Variants in GNB4 observed in about 807,000 individuals in gnomAD.
The protein encoded by GNB4 is guanine nucleotide-binding protein subunit beta-4.
In GNB4, 28 loss-of-function variants were observed where a neutral mutation model predicts 45.2. That is an observed-to-expected ratio of 0.62 (90% CI 0.46 to 0.85). The LOEUF is 0.85. Ranked by LOEUF, GNB4 falls within the 40% of genes least tolerant of loss-of-function variation. GNB4 has a pLI of 0.00. For synonymous variants in GNB4, 132 were observed against 143.7 expected (o/e 0.92, Z 0.58); for missense variants, 321 against 425.4 (o/e 0.75, Z 2.16).
chr3:179,396,118 A>G lies in GNB4; in HGVS notation c.*5095T>C, dbSNP rs1050652680. ...TTAAAAGCACTTTATTGATTACAGT[A>G]TCAATTCACAACATTTCATAAAGCC... On this transcript the variant is annotated 3_prime_UTR_variant, in exon 10 of 10. Transcript: ENST00000232564. 3 of 152,220 alleles carry G rather than the reference A, an allele frequency of 2.0e-5. No homozygotes were observed. The highest frequency in any genetic ancestry group is 6.6e-5 in the Admixed American group (1 of 15,264). 9.4% of individuals were successfully genotyped at this position (152,220 alleles called of 1,614,324 possible).
rs1377988109 is a variant in GNB4 at position 179,429,519 on chromosome 3, G to A, written c.-42-3277C>T. Among the ~76,000 whole-genome samples, 3 of 152,132 alleles carry A rather than the reference G, an allele frequency of 2.0e-5. No individual in the cohort carries two copies. In the East Asian group the frequency reaches 5.8e-4, roughly 29 times the overall value. ...TAGGGTTCAGAAGAAAAAAGATGAG[G>A]GGTCCAATGTGGAAAATAGTGAGTT... is the stretch of plus-strand genomic sequence containing the variant. On this transcript the variant is annotated intron_variant, in intron 1 of 9. Transcript: ENST00000232564.
intron 2 of GNB4, among the ~76,000 whole-genome samples, chr3:179,421,197 T>C (rs905627268): frequency 6.6e-6 from 1 of 152,132 alleles, no homozygotes. Context: ...AGAAACCCCA[T>C]ATCTCCTAAT....
the GNB4 span, among the ~76,000 whole-genome samples, chr3:179,484,233 A>G: frequency 6.6e-6 from 1 of 152,220 alleles, no homozygotes; most frequent in Non-Finnish European, 1.5e-5. Flanking sequence ...ATAGGCAAAC[A>G]AATTGATTTC....
intron 1 of GNB4, among the ~76,000 whole-genome samples, chr3:179,449,179 G>A (rs1181867160): frequency 6.6e-6 from 1 of 152,168 alleles, no homozygotes; most frequent in Non-Finnish European, 1.5e-5. Flanking sequence ...TTCCAAATTA[G>A]TTATAACTCT....
upstream of GNB4, among the ~76,000 whole-genome samples, chr3:179,453,863 AACTT>A (rs1386071948): frequency 2.0e-5 from 3 of 152,058 alleles, no homozygotes; most frequent in Non-Finnish European, 4.4e-5. Flanking sequence ...AAAAAAAAAA[AACTT>A]ACTTGTTAAA....
At chr3:179,481,892 T>A in the GNB4 span, among the ~76,000 whole-genome samples, 1 of 152,144 alleles carries the variant, frequency 6.6e-6, no homozygotes, top group Non-Finnish European at 1.5e-5. Context: ...TTATTTTATT[T>A]ATTTATATTT....
chr3:179,524,910 G>A, the GNB4 span, among the ~76,000 whole-genome samples: 1 of 152,194 alleles, frequency 6.6e-6, no homozygotes, highest in African/African-American at 2.4e-5. Context: ...GACCAGGTGT[G>A]AGCAGGGGAG....
the GNB4 span, among the ~76,000 whole-genome samples, chr3:179,498,871 C>G: frequency 2.0e-5 from 3 of 150,648 alleles, no homozygotes; most frequent in African/African-American, 7.3e-5. Flanking sequence ...CACCCATCAA[C>G]CCGTCATCTA....
intron 5 of GNB4, among the ~76,000 whole-genome samples, chr3:179,416,143 C>CGGAA (rs1415764046): frequency 1.3e-5 from 2 of 151,990 alleles, no homozygotes; most frequent in African/African-American, 4.8e-5. Flanking sequence ...GAAGAGCTTC[C>CGGAA]CACTAGCCAT....
the GNB4 span, among the ~76,000 whole-genome samples, chr3:179,520,951 G>A: frequency 6.6e-6 from 1 of 152,072 alleles, no homozygotes; most frequent in Admixed American, 6.5e-5. Flanking sequence ...TTCCATCGTG[G>A]AAATCTATCC....
upstream of GNB4, among the ~76,000 whole-genome samples, chr3:179,452,191 G>GT (rs530852352): frequency 1.3e-5 from 2 of 150,760 alleles, no homozygotes; most frequent in Non-Finnish European, 2.9e-5. Flanking sequence ...CTCTGCATGA[G>GT]TTAAACACCA....
At position 179,396,151 on chromosome 3, in the gene GNB4, A is replaced by C. The variant is rs1714107357; in HGVS notation, c.*5062T>G. 1 of 152,218 alleles carries C rather than the reference A, an allele frequency of 6.6e-6. No homozygotes were observed. The highest frequency in any genetic ancestry group is 1.5e-5 in the Non-Finnish European group (1 of 68,044). The allele number at this position is 152,218 out of a possible 1,614,324, so 9.4% of individuals were successfully genotyped here. ...ACAACATTTCATAAAGCCACTGTAC[A>C]AATAGAGGAATGAATCACTGTGTAA... On this transcript the variant is annotated 3_prime_UTR_variant, in exon 10 of 10. Coordinates refer to ENST00000232564, the MANE Select transcript of GNB4 (RefSeq NM_021629.4).
chr3:179,415,214 C>G (rs1714762649), intron 5 of GNB4, among the ~76,000 whole-genome samples, 167 bp from the exon 6 acceptor site: 1 of 152,132 alleles, frequency 6.6e-6, no homozygotes, highest in Non-Finnish European at 1.5e-5. Context: ...AAATACAACA[C>G]TAACGCACAT....
the GNB4 span, among the ~76,000 whole-genome samples, chr3:179,487,759 C>G: frequency 6.6e-6 from 1 of 152,228 alleles, no homozygotes; most frequent in Non-Finnish European, 1.5e-5. Flanking sequence ...TATTAAAACA[C>G]TTGCAGCTTG....
the GNB4 span, among the ~76,000 whole-genome samples, chr3:179,462,617 T>G: frequency 6.6e-6 from 1 of 152,142 alleles, no homozygotes; most frequent in African/African-American, 2.4e-5. Flanking sequence ...GGCGGGCAAA[T>G]CACTTGAGGT....
chr3:179,478,088 T>TCTGGAAGAA, the GNB4 span, among the ~76,000 whole-genome samples: 1 of 152,188 alleles, frequency 6.6e-6, no homozygotes, highest in Non-Finnish European at 1.5e-5. Flanking sequence ...TGTGATATTT[T>TCTGGAAGAA]CTGGAAGAAG....
the GNB4 span, among the ~76,000 whole-genome samples, chr3:179,519,034 T>G: frequency 1.4e-3 from 219 of 152,292 alleles, 2 homozygotes; most frequent in Admixed American, 2.8e-3. Flanking sequence ...GCCCCCACTG[T>G]GAGACAAACC....
chr3:179,473,056 G>A, the GNB4 span, among the ~76,000 whole-genome samples: 7 of 152,216 alleles, frequency 4.6e-5, no homozygotes, highest in East Asian at 1.9e-4. Context: ...CCAGCTACTC[G>A]GGAGGCTGAG....
In GNB4 at chr3:179,401,058, C is replaced by CTT; in HGVS notation, c.*153_*154dup. 4 of 507,164 alleles carry CTT rather than the reference C, an allele frequency of 7.9e-6. No homozygotes were observed. Among genetic ancestry groups the CTT allele is most frequent in the Non-Finnish European group, 1.0e-5 (3 of 290,176 alleles). 31.4% of individuals were successfully genotyped at this position (507,164 alleles called of 1,614,324 possible). On this transcript the variant is annotated 3_prime_UTR_variant, in exon 10 of 10. Transcript: ENST00000232564. ...CTTTGCCTTTTTTCCTCCACCCCCACTTTTTTTTTGGTAGTTTACTGAAAG... is the reference window on the plus strand; with the variant it reads ...CTTTGCCTTTTTTCCTCCACCCCCACTTTTTTTTTTTGGTAGTTTACTGAAAG...
Sources: gnomAD v4.1 joint callset for allele counts (sites outside exome capture counted in the v4.1 genomes callset) on GRCh38, gnomAD v4.1.1 for gene constraint, MANE v1.5 for transcripts, NCBI Gene and HGNC (gene_info 2026-07-23, HGNC 2026-07-21) for gene names.